SUMF1: variants seen among roughly 807,000 people sequenced by gnomAD.
SUMF1 encodes sulfatase modifying factor 1.
A neutral mutation model predicts 47.6 loss-of-function variants in SUMF1; 48 were observed. The observed-to-expected ratio is 1.01, with a 90% CI of 0.80 to 1.28. SUMF1 has a LOEUF of 1.28. Among genes scored for constraint, SUMF1 ranks in the 50% most tolerant of loss-of-function variants. SUMF1 has a pLI of 0.00. For missense variants in SUMF1, 571 were observed against 485.4 expected (o/e 1.18, Z -1.66); for synonymous variants, 230 against 192.1 (o/e 1.20, Z -1.63).
chr3:4,213,181 A>G (rs963884109), intron 8 of SUMF1, among the ~76,000 whole-genome samples: 10 of 152,210 alleles, frequency 6.6e-5, no homozygotes, highest in Admixed American at 6.5e-4. Context: ...GGTTACACAC[A>G]AAGGAGAGCC....
intron 7 of SUMF1, among the ~76,000 whole-genome samples, chr3:4,382,318 A>G (rs1700529419): frequency 7.1e-6 from 1 of 141,022 alleles, no homozygotes; most frequent in Non-Finnish European, 1.5e-5. Flanking sequence ...ACTCTTATAC[A>G]TACACACACA....
intron 8 of SUMF1, among the ~76,000 whole-genome samples, chr3:4,208,298 T>C (rs1291516301): frequency 6.6e-6 from 1 of 152,040 alleles, no homozygotes; most frequent in Non-Finnish European, 1.5e-5. Context: ...GCAACTGTCA[T>C]GGTCCAGGGA....
chr3:4,304,467 C>G (rs1366648581), intron 8 of SUMF1, among the ~76,000 whole-genome samples: 2 of 152,212 alleles, frequency 1.3e-5, no homozygotes, highest in Non-Finnish European at 2.9e-5. Context: ...TCCCTCCGAC[C>G]TTGGCCTGAG....
chr3:4,257,467 A>G (rs1696981634), intron 8 of SUMF1, among the ~76,000 whole-genome samples: 1 of 150,750 alleles, frequency 6.6e-6, no homozygotes, highest in African/African-American at 2.4e-5. Context: ...TACACCAACA[A>G]CAGACAAACA....
intron 8 of SUMF1, among the ~76,000 whole-genome samples, chr3:4,148,472 T>A (rs1335431370): frequency 6.6e-6 from 1 of 152,180 alleles, no homozygotes; most frequent in East Asian, 1.9e-4. Context: ...CAAGAAGTCA[T>A]TTTATGTCCA....
chr3:4,205,938 A>G (rs1309584053), intron 8 of SUMF1, among the ~76,000 whole-genome samples: 1 of 151,958 alleles, frequency 6.6e-6, no homozygotes, highest in East Asian at 1.9e-4. Flanking sequence ...GCTACCACTA[A>G]TGTTTATTCA....
intron 8 of SUMF1, among the ~76,000 whole-genome samples, chr3:4,296,654 C>T (rs1697858628): frequency 6.6e-6 from 1 of 152,206 alleles, no homozygotes; most frequent in Non-Finnish European, 1.5e-5. Flanking sequence ...TTACCTCCCA[C>T]TGGGTCCCTC....
intron 8 of SUMF1, among the ~76,000 whole-genome samples, chr3:4,101,822 T>A (rs1693039904): frequency 6.6e-6 from 1 of 152,154 alleles, no homozygotes; most frequent in Non-Finnish European, 1.5e-5. Context: ...ATTATTTCAT[T>A]CTCACACTGC....
chr3:4,252,692 C>G (rs1696833907), intron 8 of SUMF1, among the ~76,000 whole-genome samples: 1 of 152,136 alleles, frequency 6.6e-6, no homozygotes, highest in Non-Finnish European at 1.5e-5. Context: ...GCTACATGCA[C>G]CGGGCCAACC....
intron 6 of SUMF1, among the ~76,000 whole-genome samples, chr3:4,412,805 G>A (rs1701587283): frequency 6.6e-6 from 1 of 152,080 alleles, no homozygotes; most frequent in African/African-American, 2.4e-5. Flanking sequence ...TAGGAGAATT[G>A]CTAAACCCAG....
intron 8 of SUMF1, among the ~76,000 whole-genome samples, chr3:4,081,155 A>G (rs576805549): frequency 6.6e-6 from 1 of 152,270 alleles, no homozygotes; most frequent in East Asian, 1.9e-4. Flanking sequence ...TAAAGAAACT[A>G]AAGTTCAGAG....
chr3:4,179,153 GCTGA>G (rs1177625214), intron 8 of SUMF1, among the ~76,000 whole-genome samples: 1 of 152,024 alleles, frequency 6.6e-6, no homozygotes, highest in Non-Finnish European at 1.5e-5. Context: ...TCAAGCTACC[GCTGA>G]CTTTCTTCAC....
intron 8 of SUMF1, among the ~76,000 whole-genome samples, chr3:4,238,275 C>A (rs1052835671): frequency 6.6e-6 from 1 of 152,056 alleles, no homozygotes; most frequent in African/African-American, 2.4e-5. Flanking sequence ...GATTTATATT[C>A]CTTTGGGTAT....
At chr3:4,131,893 G>T (rs908725120) in intron 8 of SUMF1, among the ~76,000 whole-genome samples, 10 of 152,094 alleles carry the variant, frequency 6.6e-5, no homozygotes, top group Non-Finnish European at 1.2e-4. Flanking sequence ...GAACAAAGTG[G>T]CCATGGTGGC....
intron 3 of SUMF1, among the ~76,000 whole-genome samples, chr3:4,421,130 T>G (rs1310191396): frequency 6.6e-6 from 1 of 152,132 alleles, no homozygotes; most frequent in African/African-American, 2.4e-5. Flanking sequence ...GAGTCCTCAT[T>G]TAGTGAGTGG....
rs541982827 is a variant in SUMF1 at position 4,378,656 on chromosome 3, G to C, written c.955-2267C>G. Among the ~76,000 whole-genome samples, 9 of 152,264 alleles carry C rather than the reference G, an allele frequency of 5.9e-5. No individual in the cohort carries two copies. The East Asian group carries it at 1.7e-3, about 29-fold the overall frequency. ...TCTGAGTCAGTTTATTACTCTATAAGACAATTACCAAGAATTCACTGTAGC... is the reference window on the plus strand; with the variant it reads ...TCTGAGTCAGTTTATTACTCTATAACACAATTACCAAGAATTCACTGTAGC... On this transcript the variant is annotated intron_variant, in intron 7 of 8. Transcript: ENST00000272902.
At chr3:4,119,887 G>C (rs1002087923) in intron 8 of SUMF1, among the ~76,000 whole-genome samples, 1 of 152,036 alleles carries the variant, frequency 6.6e-6, no homozygotes, top group African/African-American at 2.4e-5. Context: ...ATTTAGGTAG[G>C]GTACAGCCAT....
intron 1 of SUMF1, among the ~76,000 whole-genome samples, chr3:4,459,705 T>C (rs1026366286): frequency 6.6e-6 from 1 of 152,182 alleles, no homozygotes; most frequent in Non-Finnish European, 1.5e-5. Flanking sequence ...CTAGTCTCAC[T>C]AGATTTCCTA....
intron 8 of SUMF1, among the ~76,000 whole-genome samples, chr3:4,349,852 G>C (rs541901459): frequency 6.6e-6 from 1 of 151,996 alleles, no homozygotes; most frequent in African/African-American, 2.4e-5. Flanking sequence ...GAGGTGAAGG[G>C]AAGGAAGTTG....
Sources: allele counts gnomAD v4.1 joint callset (sites outside exome capture counted in the v4.1 genomes callset), GRCh38; gene constraint gnomAD v4.1.1; transcripts MANE v1.5; gene names NCBI Gene and HGNC (gene_info 2026-07-23, HGNC 2026-07-21).